COL22A1: variants seen among roughly 807,000 people sequenced by gnomAD.
COL22A1 encodes the protein collagen type XXII alpha 1 chain.
Under a neutral mutation model 248.9 loss-of-function variants are expected in COL22A1, and 221 were observed. The observed-to-expected ratio is 0.89, with a 90% CI of 0.80 to 0.99. COL22A1 has a LOEUF of 0.99. COL22A1 is among the 50% of genes least tolerant of loss of function. The pLI, the probability that COL22A1 is intolerant of heterozygous loss-of-function variation, is 0.00. For missense variants in COL22A1, 2,240 were observed against 2,179.0 expected (o/e 1.03, Z -0.56); for synonymous variants, 891 against 793.4 (o/e 1.12, Z -2.07).
intron 11 of COL22A1, among the ~76,000 whole-genome samples, chr8:138,800,582 T>A (rs527447817): frequency 6.6e-6 from 1 of 152,310 alleles, no homozygotes; most frequent in Admixed American, 6.5e-5. Flanking sequence ...AAAATTTGAA[T>A]GTAGGCTGCC....
chr8:138,895,483 T>C (rs1377859694), intron 1 of COL22A1, among the ~76,000 whole-genome samples: 1 of 151,592 alleles, frequency 6.6e-6, no homozygotes, highest in African/African-American at 2.4e-5. Flanking sequence ...CAAAAAGTAA[T>C]TTAAGAACTA....
In COL22A1 at chr8:138,791,383, T is replaced by C. The variant is rs115042232; in HGVS notation, c.1596+5436A>G. Among the ~76,000 whole-genome samples the C allele has an allele frequency of 9.0e-3, 1,363 of 152,264 alleles. 27 individuals are homozygous for C. Among genetic ancestry groups the C allele is most frequent in the African/African-American group, 0.03 (1,229 of 41,546 alleles). On this transcript the variant is annotated intron_variant, in intron 12 of 64. Coordinates refer to ENST00000303045, the MANE Select transcript of COL22A1 (RefSeq NM_152888.3). ...GGGTCCCATCATGTCCAGCAGGATG[T>C]GCACACCAAGCACACCGGACTCCAT...
At chr8:138,848,979 G>T (rs1821440396) in intron 3 of COL22A1, among the ~76,000 whole-genome samples, 1 of 152,142 alleles carries the variant, frequency 6.6e-6, no homozygotes, top group Non-Finnish European at 1.5e-5. Context: ...GCTAACCACA[G>T]ACAAGATGTA....
At position 138,652,244 on chromosome 8, in the gene COL22A1, A is replaced by T. The variant is rs554141455; in HGVS notation, c.3334-2466T>A. On this transcript the variant is annotated intron_variant, in intron 45 of 64. Coordinates refer to ENST00000303045, the MANE Select transcript of COL22A1 (RefSeq NM_152888.3). ...AACCAAATGGGCTTGCCCATACGCC[A>T]CTTGAACCTCTGTCCACCTGGAATC... is the stretch of plus-strand genomic sequence containing the variant. 1.8e-3 allele frequency among the ~76,000 whole-genome samples: 277 copies of T among 152,328 alleles called. 1 individual carries two copies. The highest frequency in any genetic ancestry group is 6.3e-3 in the African/African-American group (264 of 41,578).
In COL22A1 at chr8:138,785,889, C is replaced by T. The variant is rs538383022; in HGVS notation, c.1597-4909G>A. Among the ~76,000 whole-genome samples, 7 of 152,298 alleles carry T rather than the reference C, an allele frequency of 4.6e-5. No individual in the cohort carries two copies. The East Asian group carries it at 1.3e-3, about 29-fold the overall frequency. On this transcript the variant is annotated intron_variant, in intron 12 of 64. Coordinates refer to ENST00000303045, the MANE Select transcript of COL22A1 (RefSeq NM_152888.3). ...GTGTGCTTCAATTCTTTCTAGAGCC[C>T]TGTGGGCTTGTAAGGGAATGGAAGA...
At chr8:138,884,216 T>A (rs1824468605) in intron 1 of COL22A1, among the ~76,000 whole-genome samples, 1 of 152,192 alleles carries the variant, frequency 6.6e-6, no homozygotes, top group Admixed American at 6.5e-5. Context: ...ACTGCTCAGC[T>A]ACCTGCAAGT....
intron 3 of COL22A1, among the ~76,000 whole-genome samples, chr8:138,853,401 AG>A (rs1239770667): frequency 6.6e-6 from 1 of 152,328 alleles, no homozygotes; most frequent in African/African-American, 2.4e-5. Context: ...ATGACTCATG[AG>A]GGAGCTGTCT....
At chr8:138,891,006 A>C (rs934003516) in intron 1 of COL22A1, among the ~76,000 whole-genome samples, 1 of 151,558 alleles carries the variant, frequency 6.6e-6, no homozygotes. Flanking sequence ...CTGGCGACAG[A>C]GTGAGACTCC....
Position 138,611,857 on chromosome 8 carries a change from A to G in COL22A1, c.3978+2010T>C, listed in dbSNP as rs187570253. ...CTCTAGGATCTCAAAGACAAAGCCCATGCTTGTCCACAGTAGGGTGGAGAA... is the reference window on the plus strand; with the variant it reads ...CTCTAGGATCTCAAAGACAAAGCCCGTGCTTGTCCACAGTAGGGTGGAGAA... On this transcript the variant is annotated intron_variant, in intron 56 of 64. Coordinates refer to ENST00000303045, the MANE Select transcript of COL22A1 (RefSeq NM_152888.3). Among the ~76,000 whole-genome samples, 153 of 152,350 alleles carry G rather than the reference A, an allele frequency of 1.0e-3. 1 individual carries two copies. Among genetic ancestry groups the G allele is most frequent in the Non-Finnish European group, 1.6e-3 (109 of 68,030 alleles).
At chr8:138,598,560 C>T (rs1010088589) in intron 61 of COL22A1, among the ~76,000 whole-genome samples, 159 bp downstream of exon 61, 6 of 152,208 alleles carry the variant, frequency 3.9e-5, no homozygotes, top group Non-Finnish European at 7.3e-5. Context: ...AGACAAGGAA[C>T]GGCAGATTCA....
In COL22A1 at chr8:138,838,836, G is replaced by A. The variant is rs150422432; in HGVS notation, c.733+5248C>T. Among the ~76,000 whole-genome samples the A allele has an allele frequency of 7.4e-3, 1,132 of 152,256 alleles. 4 individuals are homozygous for A. The highest frequency in any genetic ancestry group is 0.012 in the Non-Finnish European group (800 of 68,016). On this transcript the variant is annotated intron_variant, in intron 4 of 64. Coordinates refer to ENST00000303045, the MANE Select transcript of COL22A1 (RefSeq NM_152888.3). Reference sequence around the variant, plus strand: ...GCACCTCGCTGAAGCCAGGGAAGCCGCTGGACCACGTGGTGTCAGAAGACC... The same window carrying A: ...GCACCTCGCTGAAGCCAGGGAAGCCACTGGACCACGTGGTGTCAGAAGACC...
chr8:138,728,243 C>T (rs563555247), intron 23 of COL22A1, among the ~76,000 whole-genome samples: 3 of 151,890 alleles, frequency 2.0e-5, no homozygotes, highest in East Asian at 1.9e-4. Flanking sequence ...TTGCACAGGC[C>T]GATCTTGAAC....
intron 54 of COL22A1, among the ~76,000 whole-genome samples, 179 bp from the exon 55 acceptor site, chr8:138,616,233 C>A (rs573143122): frequency 2.0e-4 from 30 of 152,178 alleles, no homozygotes; most frequent in African/African-American, 7.2e-5. Context: ...AGGTCTGTGG[C>A]GCACCCAAGG....
chr8:138,692,128 ACGTGTGTG>A (rs1827049961), intron 35 of COL22A1, among the ~76,000 whole-genome samples: 2 of 6,824 alleles, frequency 2.9e-4, no homozygotes, highest in African/African-American at 5.6e-4. Flanking sequence ...GTATGTGTGT[ACGTGTGTG>A]CATGTTTGTG....
chr8:138,799,218 C>T (rs1186358455), intron 11 of COL22A1, among the ~76,000 whole-genome samples: 1 of 152,106 alleles, frequency 6.6e-6, no homozygotes, highest in African/African-American at 2.4e-5. Flanking sequence ...TGTCATTATG[C>T]CTTCTTTTGC....
At chr8:138,729,819 T>TA (rs1223545976) in intron 23 of COL22A1, among the ~76,000 whole-genome samples, 3 of 152,228 alleles carry the variant, frequency 2.0e-5, no homozygotes, top group Non-Finnish European at 4.4e-5. Flanking sequence ...GCAGAAACTC[T>TA]AAATAGAGCA....
At chr8:138,790,332 TCACCTCCCAAGAGCCC>T (rs1815918860) in intron 12 of COL22A1, among the ~76,000 whole-genome samples, 1 of 152,232 alleles carries the variant, frequency 6.6e-6, no homozygotes, top group East Asian at 1.9e-4. Flanking sequence ...CATGACCCAA[TCACCTCCCAAGAGCCC>T]CACCTCCCAA....
chr8:138,715,543 T>C (rs767486271), intron 30 of COL22A1, 139 bp downstream of exon 30: 213 of 637,578 alleles, frequency 3.3e-4, no homozygotes, highest in Non-Finnish European at 5.2e-4. Context: ...CACTCCCGCT[T>C]GGATGACAGA....
At chr8:138,823,089 C>T (rs1381076036) in intron 6 of COL22A1, among the ~76,000 whole-genome samples, 3 of 152,226 alleles carry the variant, frequency 2.0e-5, no homozygotes, top group African/African-American at 7.2e-5. Context: ...CACTTTTTAG[C>T]TGTGTGACCT....
Sources: allele counts gnomAD v4.1 joint callset (sites outside exome capture counted in the v4.1 genomes callset), GRCh38; gene constraint gnomAD v4.1.1; transcripts MANE v1.5; gene names NCBI Gene and HGNC (gene_info 2026-07-23, HGNC 2026-07-21).